The following UNC5D variants were observed in gnomAD, a reference collection of about 807,000 sequenced individuals.
UNC5D encodes unc-5 netrin receptor D.
In UNC5D, 39 loss-of-function variants were observed where a neutral mutation model predicts 105.4. That is an observed-to-expected ratio of 0.37 (90% CI 0.29 to 0.48). UNC5D has a LOEUF of 0.48. UNC5D is among the 20% of genes least tolerant of loss of function. UNC5D has a pLI of 0.98. For missense variants in UNC5D, 991 were observed against 1,202.4 expected, an observed-to-expected ratio of 0.82 and a Z score of 2.60; for synonymous variants, 452 against 450.4, an observed-to-expected ratio of 1.00 and a Z score of -0.04.
At chr8:35,571,348 TTAATA>T (rs1460677523) in intron 3 of UNC5D, among the ~76,000 whole-genome samples, 1 of 152,260 alleles carries the variant, frequency 6.6e-6, no homozygotes, top group African/African-American at 2.4e-5. Context: ...TCCAATGTAC[TTAATA>T]TAATCTCTAA....
chr8:35,621,804 G>A (rs1463819704), intron 4 of UNC5D, among the ~76,000 whole-genome samples: 1 of 152,170 alleles, frequency 6.6e-6, no homozygotes, highest in Non-Finnish European at 1.5e-5. Flanking sequence ...CCTGGAGCAT[G>A]TGCCTGAGCC....
intron 1 of UNC5D, among the ~76,000 whole-genome samples, chr8:35,403,101 C>G (rs1804577631): frequency 6.6e-6 from 1 of 152,196 alleles, no homozygotes; most frequent in African/African-American, 2.4e-5. Flanking sequence ...CTCCATGTCA[C>G]CTATATTTAC....
intron 4 of UNC5D, among the ~76,000 whole-genome samples, chr8:35,660,702 C>T (rs900185075): frequency 3.9e-5 from 6 of 152,180 alleles, no homozygotes; most frequent in Admixed American, 6.5e-5. Flanking sequence ...GACTCGTCCA[C>T]TAGGAAGGAG....
intron 4 of UNC5D, among the ~76,000 whole-genome samples, chr8:35,622,140 G>C (rs1217379677): frequency 6.6e-6 from 1 of 152,012 alleles, no homozygotes; most frequent in Non-Finnish European, 1.5e-5. Flanking sequence ...TCAAGAGATC[G>C]AGACCATCCT....
intron 1 of UNC5D, among the ~76,000 whole-genome samples, chr8:35,401,554 G>A (rs188434366): frequency 5.2e-4 from 79 of 152,256 alleles, no homozygotes; most frequent in African/African-American, 8.2e-4. Context: ...AGGACACCTC[G>A]TTTCTCCTTG....
At chr8:35,585,408 G>A (rs982172778) in intron 3 of UNC5D, among the ~76,000 whole-genome samples, 1 of 152,118 alleles carries the variant, frequency 6.6e-6, no homozygotes, top group Non-Finnish European at 1.5e-5. Flanking sequence ...AGTGGCGTCC[G>A]TCCAAAGGTG....
chr8:35,758,015 A>C (rs1830590225), intron 13 of UNC5D, among the ~76,000 whole-genome samples: 1 of 152,194 alleles, frequency 6.6e-6, no homozygotes, highest in South Asian at 2.1e-4. Flanking sequence ...AGTGGGTACC[A>C]TAATGGACCA....
At chr8:35,640,624 A>G (rs1586314944) in intron 4 of UNC5D, among the ~76,000 whole-genome samples, 1 of 152,164 alleles carries the variant, frequency 6.6e-6, no homozygotes, top group African/African-American at 2.4e-5. Context: ...ATCTAGCAGG[A>G]TGACGCAGTG....
intron 1 of UNC5D, among the ~76,000 whole-genome samples, chr8:35,526,175 G>A (rs1813855715): frequency 6.6e-6 from 1 of 152,142 alleles, no homozygotes; most frequent in African/African-American, 2.4e-5. Flanking sequence ...GAAATCTGGT[G>A]TTTTCTACTT....
chr8:35,662,697 A>G (rs1824182902), intron 4 of UNC5D, among the ~76,000 whole-genome samples: 1 of 152,222 alleles, frequency 6.6e-6, no homozygotes, highest in Admixed American at 6.5e-5. Context: ...ATGGAAAGTT[A>G]TATAAACGGT....
At chr8:35,565,986 T>C (rs568297686) in intron 2 of UNC5D, among the ~76,000 whole-genome samples, 1 of 152,292 alleles carries the variant, frequency 6.6e-6, no homozygotes, top group African/African-American at 2.4e-5. Context: ...CATTAAAGTG[T>C]AAACAAAGAA....
At chr8:35,338,653 C>T (rs1461567535) in intron 1 of UNC5D, among the ~76,000 whole-genome samples, 1 of 152,144 alleles carries the variant, frequency 6.6e-6, no homozygotes, top group Non-Finnish European at 1.5e-5. Context: ...AGATTCTGCT[C>T]CCATCTCTGA....
chr8:35,262,018 C>A, intron 1 of UNC5D, among the ~76,000 whole-genome samples: 1 of 152,102 alleles, frequency 6.6e-6, no homozygotes, highest in East Asian at 1.9e-4. Context: ...GCAAATAATA[C>A]CTCCGTGGTA....
At chr8:35,354,485 AC>A (rs1801441299) in intron 1 of UNC5D, among the ~76,000 whole-genome samples, 1 of 152,130 alleles carries the variant, frequency 6.6e-6, no homozygotes, top group South Asian at 2.1e-4. Context: ...TTTCAAGGTA[AC>A]TGAGCTTTTC....
intron 1 of UNC5D, among the ~76,000 whole-genome samples, chr8:35,332,353 A>G (rs1810689712): frequency 6.6e-6 from 1 of 152,214 alleles, no homozygotes; most frequent in South Asian, 2.1e-4. Flanking sequence ...ATATTCTCAA[A>G]TAGAAATATT....
chr8:35,323,572 G>C (rs1360793614), intron 1 of UNC5D, among the ~76,000 whole-genome samples: 3 of 152,142 alleles, frequency 2.0e-5, no homozygotes, highest in Non-Finnish European at 1.5e-5. Context: ...ATAGGCAATA[G>C]AAATATTGCT....
At chr8:35,508,796 G>A (rs1812499935) in intron 1 of UNC5D, among the ~76,000 whole-genome samples, 1 of 152,178 alleles carries the variant, frequency 6.6e-6, no homozygotes, top group South Asian at 2.1e-4. Context: ...AGCTGAGAGG[G>A]AGAGCACTGG....
At chr8:35,738,227 T>C (rs1829574296) in intron 11 of UNC5D, among the ~76,000 whole-genome samples, 1 of 152,230 alleles carries the variant, frequency 6.6e-6, no homozygotes. Context: ...GTGTGTAAAC[T>C]TGAGCAAATC....
intron 4 of UNC5D, among the ~76,000 whole-genome samples, chr8:35,610,668 A>G (rs1249135373): frequency 6.6e-6 from 1 of 152,036 alleles, no homozygotes; most frequent in African/African-American, 2.4e-5. Context: ...AAGTGAGAGA[A>G]CCGAGTGCAA....
Sources: allele counts gnomAD v4.1 joint callset (sites outside exome capture counted in the v4.1 genomes callset), GRCh38; gene constraint gnomAD v4.1.1; transcripts MANE v1.5; gene names NCBI Gene and HGNC (gene_info 2026-07-23, HGNC 2026-07-21).